EXD2: variants seen among roughly 807,000 people sequenced by gnomAD.
EXD2 encodes exonuclease 3'-5' domain-containing protein 2.
A neutral mutation model predicts 62.5 loss-of-function variants in EXD2; 40 were observed. The observed-to-expected ratio is 0.64, with a 90% CI of 0.50 to 0.83. The LOEUF is 0.83. EXD2 is among the 40% of genes least tolerant of loss of function. The probability of loss-of-function intolerance (pLI) is 0.00; values close to 1 mark genes in which losing one functional copy is unlikely to be tolerated. For synonymous variants in EXD2, 239 were observed against 291.9 expected (o/e 0.82, Z 1.85); for missense variants, 671 against 761.8 (o/e 0.88, Z 1.40).
At chr14:69,229,212 G>A (rs2043480714) in intron 4 of EXD2, 140 bp downstream of exon 4, 1 of 1,169,632 alleles carries the variant, frequency 8.5e-7, no homozygotes, top group Non-Finnish European at 1.2e-6. Context: ...TATTGAATTT[G>A]TAAGGAGACA....
chr14:69,229,281 T>G (rs954635256), intron 4 of EXD2, among the ~76,000 whole-genome samples: 11 of 152,248 alleles, frequency 7.2e-5, no homozygotes, highest in South Asian at 2.1e-4. Context: ...CAAACATTAC[T>G]GAGGGATCTC....
At chr14:69,230,353 G>T (rs77499793) in intron 4 of EXD2, 119 bp from the exon 5 acceptor site, 3 of 577,660 alleles carry the variant, frequency 5.2e-6, no homozygotes, top group Non-Finnish European at 9.0e-6. Flanking sequence ...CATTTTCTTC[G>T]ATTTCTAGTG....
intron 1 of EXD2, among the ~76,000 whole-genome samples, chr14:69,198,415 C>A (rs561985754): frequency 1.3e-5 from 2 of 152,156 alleles, no homozygotes; most frequent in Admixed American, 1.3e-4. Flanking sequence ...TCTCTGCCTA[C>A]GGCCTTGCTC....
At chr14:69,205,412 T>C (rs1468140864) in intron 2 of EXD2, among the ~76,000 whole-genome samples, 4 of 152,194 alleles carry the variant, frequency 2.6e-5, no homozygotes, top group African/African-American at 9.6e-5. Context: ...CAGATTTTTT[T>C]CTTCAATTCA....
At chr14:69,227,603 T>G (rs529391397) in intron 3 of EXD2, among the ~76,000 whole-genome samples, 8 of 152,234 alleles carry the variant, frequency 5.3e-5, no homozygotes, top group Admixed American at 5.2e-4. Context: ...ATCCCAGCAC[T>G]CTGGAAGGCC....
intron 5 of EXD2, among the ~76,000 whole-genome samples, chr14:69,231,939 C>T (rs1380169273): frequency 7.7e-6 from 1 of 130,216 alleles, no homozygotes; most frequent in Admixed American, 7.9e-5. Context: ...AAAAAAAAGT[C>T]AGTAACTGTC....
intron 3 of EXD2, among the ~76,000 whole-genome samples, chr14:69,225,239 A>G (rs990932375): frequency 6.6e-6 from 1 of 152,250 alleles, no homozygotes; most frequent in African/African-American, 2.4e-5. Context: ...CCAGCCCAGA[A>G]GATGGTCCCA....
At chr14:69,226,927 G>A (rs1488129068) in intron 3 of EXD2, among the ~76,000 whole-genome samples, 1 of 152,158 alleles carries the variant, frequency 6.6e-6, no homozygotes, top group Non-Finnish European at 1.5e-5. Context: ...GTCATTTTCT[G>A]TGTGTGTGAG....
At chr14:69,201,672 G>GTTTTTTGTTTTTTTTTTTTT (rs2042402768) in intron 1 of EXD2, among the ~76,000 whole-genome samples, 12 of 59,022 alleles carry the variant, frequency 2.0e-4, no homozygotes, top group African/African-American at 8.2e-4. Context: ...TGTTTTCTCT[G>GTTTTTTGTTTTTTTTTTTTT]TTTTTTTTTT....
intron 3 of EXD2, among the ~76,000 whole-genome samples, chr14:69,217,503 T>A (rs2043023257): frequency 6.6e-6 from 1 of 152,232 alleles, no homozygotes; most frequent in Non-Finnish European, 1.5e-5. Flanking sequence ...GGACAAATAA[T>A]ATTCCATTTT....
At chr14:69,202,119 C>T (rs1319124306) in intron 1 of EXD2, among the ~76,000 whole-genome samples, 3 of 152,078 alleles carry the variant, frequency 2.0e-5, no homozygotes, top group Admixed American at 2.0e-4. Flanking sequence ...GGCGAAACCC[C>T]GTTTCTACCA....
chr14:69,211,628 G>A (rs1594746295), intron 3 of EXD2, among the ~76,000 whole-genome samples: 1 of 151,854 alleles, frequency 6.6e-6, no homozygotes, highest in East Asian at 1.9e-4. Context: ...AATGACCTTG[G>A]GCCATCAAGA....
rs1594791063 is a variant in EXD2, at chr14:69,242,088, G to A, written c.*988G>A. ...CTTCTCTGTCTCCTCTGAAGCCTGG[G>A]ACACTGAGCTTACTTAATACATTAG... On this transcript the variant is annotated 3_prime_UTR_variant, in exon 10 of 10. Transcript: ENST00000685843. The A allele has an allele frequency of 5.0e-6, 2 of 398,460 alleles. No homozygotes were observed. Among genetic ancestry groups the A allele is most frequent in the Non-Finnish European group, 4.4e-6 (1 of 226,058 alleles). The allele number at this position is 398,460 out of a possible 1,614,324, so 24.7% of individuals were successfully genotyped here.
chr14:69,194,296 G>A (rs1472359224), intron 1 of EXD2, among the ~76,000 whole-genome samples: 3 of 151,498 alleles, frequency 2.0e-5, no homozygotes, highest in Admixed American at 6.6e-5. Flanking sequence ...CCACCACCTC[G>A]CTTGGCTAAT....
rs138036015 is a variant in EXD2 at position 69,237,790 on chromosome 14, G to A, written c.1508G>A (p.Arg503His). 39 of 1,613,556 alleles carry A rather than the reference G, an allele frequency of 2.4e-5. No homozygotes were observed. The highest frequency in any genetic ancestry group is 9.3e-5 in the African/African-American group (7 of 74,948). The change falls in exon 9 of 10, where the codon CGT (arginine) becomes CAT (histidine). Residue 503 changes from arginine to histidine, a missense_variant. Physicochemically the swap from Arg to His is conservative, Grantham distance 29 (BLOSUM62 0). Transcript: ENST00000685843. ...GAAGATCCTGAGCGCCGGCAGGTGC[G>A]TTCTGGGGCCAGGGCCCTGCTCAAC... ...LLEDPERRQV[R>H]SGARALLNAE...
chr14:69,226,000 T>A (rs1432390472), intron 3 of EXD2, among the ~76,000 whole-genome samples: 2 of 152,216 alleles, frequency 1.3e-5, no homozygotes, highest in African/African-American at 4.8e-5. Context: ...TTTAATGTAT[T>A]TTATCTTTTC....
intron 3 of EXD2, chr14:69,227,872 A>G (rs980387958): frequency 4.6e-5 from 7 of 152,180 alleles, no homozygotes; most frequent in African/African-American, 1.7e-4. Context: ...CACTTATTGT[A>G]TAAAGTTTTT....
intron 1 of EXD2, chr14:69,195,958 C>T (rs561738501): frequency 6.6e-6 from 1 of 152,218 alleles, no homozygotes; most frequent in Non-Finnish European, 1.5e-5. Flanking sequence ...TTTATTCTCT[C>T]GCAGTTAAGG....
At chr14:69,212,587 A>G (rs2042844288) in intron 3 of EXD2, among the ~76,000 whole-genome samples, 1 of 149,432 alleles carries the variant, frequency 6.7e-6, no homozygotes, top group Non-Finnish European at 1.5e-5. Context: ...TACTTATCAT[A>G]GTTCACTGAA....
Sources: gnomAD v4.1 joint callset for allele counts (sites outside exome capture counted in the v4.1 genomes callset) on GRCh38, gnomAD v4.1.1 for gene constraint, MANE v1.5 for transcripts, NCBI Gene and HGNC (gene_info 2026-07-23, HGNC 2026-07-21) for gene names.